The following SGTB variants were observed in gnomAD, a reference collection of about 807,000 sequenced individuals.
SGTB encodes the protein small glutamine-rich tetratricopeptide repeat-containing protein beta.
Under a neutral mutation model 43.9 loss-of-function variants are expected in SGTB, and 19 were observed. The observed-to-expected ratio is 0.43, with a 90% CI of 0.30 to 0.63. The LOEUF (loss-of-function observed/expected upper bound fraction) is 0.63. Among genes scored for constraint, SGTB ranks in the 30% least tolerant of loss-of-function variants. The pLI is 0.12. For missense variants in SGTB, 304 were observed against 358.9 expected (o/e 0.85, Z 1.24); for synonymous variants, 116 against 117.3 (o/e 0.99, Z 0.07).
intron 5 of SGTB, among the ~76,000 whole-genome samples, chr5:65,698,004 T>C (rs1406047951): frequency 2.6e-5 from 4 of 152,144 alleles, no homozygotes; most frequent in Admixed American, 1.3e-4. Context: ...CTAGAGGAAA[T>C]GAATCTAATC....
At chr5:65,708,583 ACTTCC>A in intron 3 of SGTB, 25 bp from the exon 4 acceptor site, 1 of 1,587,806 alleles carries the variant, frequency 6.3e-7, no homozygotes, top group Non-Finnish European at 8.6e-7. Flanking sequence ...AAATCAATGC[ACTTCC>A]CTTTAGCTAC....
At chr5:65,681,928 T>C (rs781566060) in intron 6 of SGTB, among the ~76,000 whole-genome samples, 6 of 151,878 alleles carry the variant, frequency 4.0e-5, no homozygotes, top group Non-Finnish European at 5.9e-5. Context: ...TGGGCCGAGA[T>C]TGTGCCATTG....
At chr5:65,722,649 G>A, upstream of SGTB, 1 of 518,410 alleles carries the variant, frequency 1.9e-6, no homozygotes, top group Non-Finnish European at 3.4e-6. Flanking sequence ...GTTTGGGACT[G>A]CCTCAGCCGC....
At chr5:65,703,163 T>G (rs913970986) in intron 5 of SGTB, among the ~76,000 whole-genome samples, 3 of 151,760 alleles carry the variant, frequency 2.0e-5, no homozygotes, top group African/African-American at 7.3e-5. Flanking sequence ...TGAAAAAAAA[T>G]GGAAGCAACC....
Position 65,720,781 on chromosome 5 carries a change from A to G in SGTB, c.27T>C (p.Tyr9=). 6.2e-7 allele frequency: 1 copy of G among 1,613,936 alleles called. No homozygotes were observed. Among genetic ancestry groups the G allele is most frequent in the Non-Finnish European group, 8.5e-7 (1 of 1,179,956 alleles). The change falls in exon 2 of 11, where the codon TAT becomes TAC. Residue 9 remains tyrosine (Y), a synonymous_variant. Transcript: ENST00000381007. ...GTTCCCGTAAGAAACGAATAACTGC[A>G]TAAACCAGGTGCTTGATAGATGACA... is the stretch of plus-strand genomic sequence containing the variant. MSSIKHLV[Y]AVIRFLREQS...
Position 65,720,561 on chromosome 5 carries a change from TACGATA to T in SGTB, c.100+141_100+146del, listed in dbSNP as rs1255738846. On this transcript the variant is annotated intron_variant, in intron 2 of 10. Transcript: ENST00000381007. ...CAAAACAAGCTTCAGAAAATGGAAA[TACGATA>T]ACCTTATAGTCAGGCCTCTCCTCTT... is the stretch of plus-strand genomic sequence containing the variant. 14 of 806,232 alleles carry T rather than the reference TACGATA, an allele frequency of 1.7e-5. No homozygotes were observed. In the African/African-American group the frequency reaches 2.3e-4, roughly 13 times the overall value. 49.9% of individuals were successfully genotyped at this position (806,232 alleles called of 1,614,324 possible). A position where few individuals can be genotyped will look rare whatever the true frequency, so the allele number is the denominator to read the frequency against.
chr5:65,688,365 G>A (rs1450432962), intron 5 of SGTB, among the ~76,000 whole-genome samples: 1 of 152,074 alleles, frequency 6.6e-6, no homozygotes, highest in Admixed American at 6.6e-5. Context: ...ATCTGATAAC[G>A]GTGATTTTGT....
chr5:65,670,263 C>T lies in SGTB; in HGVS notation c.898G>A (p.Ala300Thr), dbSNP rs774534862. The T allele has an allele frequency of 2.3e-5, 37 of 1,613,942 alleles. No individual in the cohort carries two copies. Among genetic ancestry groups the T allele is most frequent in the South Asian group, 4.4e-5 (4 of 91,080 alleles). ...TGGTTAAATCAGGAATGCTCTTCAGCGCTGCTGCTGAATGATCTGCTCCGG... is the reference window on the plus strand; with the variant it reads ...TGGTTAAATCAGGAATGCTCTTCAGTGCTGCTGCTGAATGATCTGCTCCGG... ...HIRSRSFSSS[A>T]EEHS Residue 300 changes from alanine (A) to threonine (T), a missense_variant, in exon 11 of 11, where the codon GCT becomes ACT. Coordinates refer to ENST00000381007, the MANE Select transcript of SGTB (RefSeq NM_019072.3).
intron 5 of SGTB, among the ~76,000 whole-genome samples, chr5:65,692,311 A>AT (rs1757629534): frequency 6.6e-6 from 1 of 152,202 alleles, no homozygotes; most frequent in African/African-American, 2.4e-5. Context: ...TTAGGGAATA[A>AT]TTTTTTATTC....
rs186554640 is a variant in SGTB, at chr5:65,708,415, A to G, written c.274+74T>C. ...TAGTCTTGGTGGTGTAATCAGAACT[A>G]TATCAATTGACAGTAATTTCCTCCA... is the stretch of plus-strand genomic sequence containing the variant. On this transcript the variant is annotated intron_variant, in intron 4 of 10. Transcript: ENST00000381007. The G allele has an allele frequency of 4.1e-4, 531 of 1,288,048 alleles. No homozygotes were observed. In the African/African-American group the frequency reaches 6.4e-3, roughly 15 times the overall value. 79.8% of individuals were successfully genotyped at this position (1,288,048 alleles called of 1,614,324 possible).
intron 6 of SGTB, among the ~76,000 whole-genome samples, chr5:65,683,959 GA>G (rs1177299701): frequency 1.3e-5 from 2 of 150,302 alleles, no homozygotes; most frequent in Admixed American, 6.6e-5. Context: ...AAAAAAAAAA[GA>G]AAAAAAGAGA....
At chr5:65,713,116 C>T in intron 2 of SGTB, 52 bp from the exon 3 acceptor site, 1 of 1,375,220 alleles carries the variant, frequency 7.3e-7, no homozygotes, top group Non-Finnish European at 9.8e-7. Flanking sequence ...AAAAAAGAAA[C>T]AAGTTTTTTT....
In SGTB at chr5:65,713,019, T is replaced by C; in HGVS notation, c.146A>G (p.Asp49Gly). Residue 49 changes from aspartate to glycine, a missense_variant, in exon 3 of 11, where the codon GAT (aspartate) becomes GGT (glycine). Transcript: ENST00000381007. ...LETVFKISPE[D>G]THLAVSQPLT... ...AGGCTGTGAAACTGCTAGGTGTGTA[T>C]CTTCTGGGCTGATCTTAAAAACTGT... is the stretch of plus-strand genomic sequence containing the variant. 1 of 1,613,730 alleles carries C rather than the reference T, an allele frequency of 6.2e-7. No individual in the cohort carries two copies. Among genetic ancestry groups the C allele is most frequent in the East Asian group, 2.2e-5 (1 of 44,816 alleles).
intron 5 of SGTB, among the ~76,000 whole-genome samples, chr5:65,687,746 C>G (rs1221777926): frequency 6.6e-6 from 1 of 152,148 alleles, no homozygotes; most frequent in African/African-American, 2.4e-5. Flanking sequence ...ATCCTACCAA[C>G]TCAGGGAGTT....
intron 6 of SGTB, among the ~76,000 whole-genome samples, chr5:65,682,079 G>A (rs1330487555): frequency 6.6e-6 from 1 of 152,110 alleles, no homozygotes; most frequent in East Asian, 1.9e-4. Context: ...TTAAAGGAAT[G>A]AATAGGAGAG....
intron 7 of SGTB, 31 bp downstream of exon 7, chr5:65,680,625 A>G (rs987405225): frequency 6.2e-7 from 1 of 1,613,778 alleles, no homozygotes; most frequent in African/African-American, 1.3e-5. Context: ...ATGACAGAAA[A>G]TACTTCACTC....
At chr5:65,686,981 TAATA>T (rs1197065937) in intron 5 of SGTB, among the ~76,000 whole-genome samples, 1 of 152,226 alleles carries the variant, frequency 6.6e-6, no homozygotes, top group Admixed American at 6.5e-5. Flanking sequence ...ATGTACATAG[TAATA>T]AATCAATTAT....
At chr5:65,720,872 G>T (rs1372397326) in intron 1 of SGTB, 43 bp from the exon 2 acceptor site, 2 of 1,576,058 alleles carry the variant, frequency 1.3e-6, no homozygotes, top group African/African-American at 1.4e-5. Context: ...TTATTTTAAA[G>T]AATCAGTCAG....
intron 3 of SGTB, among the ~76,000 whole-genome samples, chr5:65,711,047 C>T (rs1758036091): frequency 6.6e-6 from 1 of 151,304 alleles, no homozygotes; most frequent in South Asian, 2.1e-4. Flanking sequence ...TGCCTGGAGT[C>T]CCAGCTACTC....
Sources: allele counts gnomAD v4.1 joint callset (sites outside exome capture counted in the v4.1 genomes callset), GRCh38; gene constraint gnomAD v4.1.1; transcripts MANE v1.5; gene names NCBI Gene and HGNC (gene_info 2026-07-23, HGNC 2026-07-21).